ZZEF1: variants seen among roughly 807,000 people sequenced by gnomAD.
The protein encoded by ZZEF1 is zinc finger ZZ-type and EF-hand domain containing 1.
ZZEF1 carries 157 observed loss-of-function variants against 342.8 expected under a neutral mutation model. The observed-to-expected ratio is 0.46, with a 90% CI of 0.40 to 0.52. The LOEUF (loss-of-function observed/expected upper bound fraction) is 0.52, where lower values mean the gene tolerates loss of function less well. ZZEF1 is among the 20% of genes least tolerant of loss of function. The pLI, the probability that ZZEF1 is intolerant of heterozygous loss-of-function variation, is 0.00. For synonymous variants in ZZEF1, 1,505 were observed against 1,429.1 expected (o/e 1.05, Z -1.20); for missense variants, 3,480 against 3,725.6 (o/e 0.93, Z 1.72).
chr17:4,095,737 C>T, intron 11 of ZZEF1, 94 bp downstream of exon 11: 1 of 1,366,764 alleles, frequency 7.3e-7, no homozygotes. Context: ...GACAAGCAAG[C>T]ACAGTTCACC....
intron 52 of ZZEF1, among the ~76,000 whole-genome samples, chr17:4,011,130 G>A (rs561657030): frequency 1.3e-5 from 2 of 151,984 alleles, no homozygotes; most frequent in South Asian, 4.2e-4. Context: ...GGCCAGGAGC[G>A]GTGGCTCATA....
rs1459690513 is a variant in ZZEF1 at position 4,054,106 on chromosome 17, G to C, written c.5385C>G (p.Tyr1795Ter). 6.2e-7 allele frequency: 1 copy of C among 1,613,658 alleles called. No individual in the cohort carries two copies. Among genetic ancestry groups the C allele is most frequent in the Non-Finnish European group, 8.5e-7 (1 of 1,179,860 alleles). The change falls in exon 34 of 55, where the codon TAC becomes TAG. Residue 1795 changes from tyrosine to a stop codon, truncating the protein, a stop_gained. Transcript: ENST00000381638. LOFTEE classifies it high-confidence loss of function. ...CCATGTCGCTGCACTGCAGACAGCG[G>C]TATCGATGCCAGGGGGCAATCTCAT... ...GCDEIAPWHR[Y>*]RCLQCSDMDL...
At chr17:4,037,847 G>C (rs2056709036) in intron 39 of ZZEF1, among the ~76,000 whole-genome samples, 1 of 152,198 alleles carries the variant, frequency 6.6e-6, no homozygotes, top group Non-Finnish European at 1.5e-5. Context: ...CTCCCAAAGT[G>C]CTGGGATTAC....
intron 18 of ZZEF1, among the ~76,000 whole-genome samples, chr17:4,078,911 C>T (rs1456796706): frequency 6.6e-6 from 1 of 152,166 alleles, no homozygotes; most frequent in African/African-American, 2.4e-5. Context: ...TGAACCCTAA[C>T]TCTTTAGTAT....
chr17:4,106,914 T>C (rs76425658), intron 6 of ZZEF1, among the ~76,000 whole-genome samples: 2 of 152,192 alleles, frequency 1.3e-5, no homozygotes, highest in South Asian at 2.1e-4. Context: ...CATTTCAAAA[T>C]AGAGACAATA....
chr17:4,007,390 G>A (rs2055827643), intron 54 of ZZEF1, among the ~76,000 whole-genome samples: 1 of 152,244 alleles, frequency 6.6e-6, no homozygotes, highest in East Asian at 1.9e-4. Flanking sequence ...AGGCCCGTCA[G>A]GCCTTCAGGG....
At chr17:4,015,776 T>G (rs937256177) in intron 49 of ZZEF1, among the ~76,000 whole-genome samples, 2 of 152,160 alleles carry the variant, frequency 1.3e-5, no homozygotes, top group African/African-American at 4.8e-5. Flanking sequence ...AAAAAAGTGC[T>G]AAAGGGACTA....
intron 32 of ZZEF1, among the ~76,000 whole-genome samples, 195 bp from the exon 33 acceptor site, chr17:4,056,540 C>T (rs867642339): frequency 2.6e-5 from 4 of 152,082 alleles, no homozygotes; most frequent in East Asian, 1.9e-4. Flanking sequence ...GAAGGAGAAG[C>T]CCTTTCCAGA....
At chr17:4,141,814 C>T (rs2058855734) in intron 1 of ZZEF1, among the ~76,000 whole-genome samples, 1 of 151,888 alleles carries the variant, frequency 6.6e-6, no homozygotes, top group Non-Finnish European at 1.5e-5. Flanking sequence ...CGAAGTGAAG[C>T]GCCCAGTAAA....
chr17:4,016,188 T>C lies in ZZEF1; in HGVS notation c.8145+135A>G. 9.3e-7 allele frequency: 1 copy of C among 1,080,752 alleles called. No individual in the cohort carries two copies. Among genetic ancestry groups the C allele is most frequent in the Non-Finnish European group, 1.3e-6 (1 of 761,374 alleles). The allele number at this position is 1,080,752 out of a possible 1,614,324, so 66.9% of individuals were successfully genotyped here. On this transcript the variant is annotated intron_variant, in intron 49 of 54. Coordinates refer to ENST00000381638, the MANE Select transcript of ZZEF1 (RefSeq NM_015113.4). The surrounding 1 kb of genome is among the most constrained non-coding windows in gnomAD (Gnocchi z 4.4). ...GACTGCAGTTTGTTCAAGGAAGCACTTTCCTGGACAGGTCTCTGCTGTCCA... is the reference window on the plus strand; with the variant it reads ...GACTGCAGTTTGTTCAAGGAAGCACCTTCCTGGACAGGTCTCTGCTGTCCA...
At position 4,014,616 on chromosome 17, in the gene ZZEF1, G is replaced by A. The variant is rs1448602332; in HGVS notation, c.8146-101C>T. Reference sequence around the variant, plus strand: ...CCTGTGGCTGGACCCGGGTGTGTGAGAATGAGTGAACCACAGCCCTGGCCT... The same window carrying A: ...CCTGTGGCTGGACCCGGGTGTGTGAAAATGAGTGAACCACAGCCCTGGCCT... On this transcript the variant is annotated intron_variant, in intron 49 of 54. Coordinates refer to ENST00000381638, the MANE Select transcript of ZZEF1 (RefSeq NM_015113.4). This position sits in a 1 kb window ranked among gnomAD's most constrained non-coding sequence, Gnocchi z 4.4. The A allele has an allele frequency of 1.6e-6, 2 of 1,266,738 alleles. No individual in the cohort carries two copies. Among genetic ancestry groups the A allele is most frequent in the African/African-American group, 2.9e-5 (2 of 68,330 alleles). The allele number at this position is 1,266,738 out of a possible 1,614,324, so 78.5% of individuals were successfully genotyped here. A position where few individuals can be genotyped will look rare whatever the true frequency, so the allele number is the denominator to read the frequency against.
Position 4,102,295 on chromosome 17 carries a change from AACAG to A in ZZEF1, c.1672+18_1672+21del. 6.2e-7 allele frequency: 1 copy of A among 1,608,876 alleles called. No individual in the cohort carries two copies. Among genetic ancestry groups the A allele is most frequent in the Non-Finnish European group, 8.5e-7 (1 of 1,175,484 alleles). Reference sequence around the variant, plus strand: ...ACTCCTGTCTACCGAGCACACTAGAAACAGACAGACCCACCACTCACCATCCCTT... The same window carrying A: ...ACTCCTGTCTACCGAGCACACTAGAAACAGACCCACCACTCACCATCCCTT... On this transcript the variant is annotated intron_variant, in intron 9 of 54. Transcript: ENST00000381638.
rs900495814 is a variant in ZZEF1 at position 4,016,076 on chromosome 17, T to C, written c.8145+247A>G. On this transcript the variant is annotated intron_variant, in intron 49 of 54. Coordinates refer to ENST00000381638, the MANE Select transcript of ZZEF1 (RefSeq NM_015113.4). This position sits in a 1 kb window ranked among gnomAD's most constrained non-coding sequence, Gnocchi z 4.4. ...GGAAAGTAAAGCTCTCCTCCAGGGCTAGGTGGCCCATTTTCTTCTATTAAA... is the reference window on the plus strand; with the variant it reads ...GGAAAGTAAAGCTCTCCTCCAGGGCCAGGTGGCCCATTTTCTTCTATTAAA... Among the ~76,000 whole-genome samples the C allele has an allele frequency of 1.3e-5, 2 of 152,196 alleles. No individual in the cohort carries two copies. Among genetic ancestry groups the C allele is most frequent in the Non-Finnish European group, 2.9e-5 (2 of 68,028 alleles).
chr17:4,123,268 CATATATAT>C (rs60101709), intron 2 of ZZEF1, among the ~76,000 whole-genome samples: 1,266 of 85,262 alleles, frequency 0.015, 23 homozygotes, highest in African/African-American at 0.033. Flanking sequence ...TTATCATAAC[CATATATAT>C]ATATATATAT....
At position 4,070,840 on chromosome 17, in the gene ZZEF1, A is replaced by G; in HGVS notation, c.3919T>C (p.Tyr1307His). The G allele has an allele frequency of 1.2e-6, 2 of 1,614,156 alleles. No individual in the cohort carries two copies. Among genetic ancestry groups the G allele is most frequent in the Non-Finnish European group, 1.7e-6 (2 of 1,180,030 alleles). Residue 1307 changes from tyrosine (Y) to histidine (H), a missense_variant, in exon 26 of 55, where the codon TAT becomes CAT. Physicochemically the swap from Tyr to His is moderately conservative, Grantham distance 83 (BLOSUM62 2). Transcript: ENST00000381638. ...SEPAQNFCGP[Y>H]SELFKGFIQA... ...ATGAATCCTTTGAAAAGTTCTGAAT[A>G]TGGCCCACAGAAGTTCTGAGCAGGC...
chr17:4,102,056 T>C (rs111925147), intron 9 of ZZEF1, among the ~76,000 whole-genome samples: 1 of 152,032 alleles, frequency 6.6e-6, no homozygotes, highest in Non-Finnish European at 1.5e-5. Context: ...TTAAAAAAAA[T>C]AGTAACTTTT....
At chr17:4,009,953 C>T (rs1021204677) in intron 52 of ZZEF1, among the ~76,000 whole-genome samples, 196 bp from the exon 53 acceptor site, 4 of 152,098 alleles carry the variant, frequency 2.6e-5, no homozygotes, top group Non-Finnish European at 4.4e-5. Flanking sequence ...AGGGGCAGAA[C>T]CTAAACTTTA....
rs775168440 is a variant in ZZEF1, at chr17:4,117,058, G to C, written c.608C>G (p.Pro203Arg). ...CATGTTATTGCAGTGCTCCAGCATC[G>C]GGTAGGGCATCACCGCGCTGGAGAG... ...NRLSSAVMPYPMLEHCNNMCT... is the reference protein window; with the variant it reads ...NRLSSAVMPYRMLEHCNNMCT... Residue 203 changes from proline to arginine, a missense_variant, in exon 3 of 55, where the codon CCG (proline) becomes CGG (arginine). By Grantham distance (103) the Pro-to-Arg change is moderately radical. Around this residue, in one of 5 missense-constraint regions of ZZEF1, gnomAD observed 416 missense variants for 374.2 expected, o/e 1.11. Coordinates refer to ENST00000381638, the MANE Select transcript of ZZEF1 (RefSeq NM_015113.4). 2.2e-5 allele frequency: 35 copies of C among 1,613,994 alleles called. No individual in the cohort carries two copies. The highest frequency in any genetic ancestry group is 2.7e-5 in the Non-Finnish European group (32 of 1,180,004).
rs150768610 is a variant in ZZEF1 at position 4,139,022 on chromosome 17, G to A, written c.354+3520C>T. Among the ~76,000 whole-genome samples, 638 of 143,816 alleles carry A rather than the reference G, an allele frequency of 4.4e-3. 27 individuals are homozygous for A. The highest frequency in any genetic ancestry group is 5.1e-3 in the Non-Finnish European group (335 of 65,838). 94.3% of individuals were successfully genotyped at this position (143,816 alleles called of 152,430 possible). Reference sequence around the variant, plus strand: ...ACCTCCTCAAGTAACTGAGGTCACAGGAATGTGAAAGCAAGACAGCTGCGT... The same window carrying A: ...ACCTCCTCAAGTAACTGAGGTCACAAGAATGTGAAAGCAAGACAGCTGCGT... On this transcript the variant is annotated intron_variant, in intron 1 of 54. Coordinates refer to ENST00000381638, the MANE Select transcript of ZZEF1 (RefSeq NM_015113.4).
Sources: allele counts gnomAD v4.1 joint callset (sites outside exome capture counted in the v4.1 genomes callset), GRCh38; gene constraint gnomAD v4.1.1; regional missense constraint gnomAD v4.1.1; non-coding constraint Gnocchi (gnomAD v3.1); transcripts MANE v1.5; gene names NCBI Gene and HGNC (gene_info 2026-07-23, HGNC 2026-07-21).